Variants in CNTRL observed in about 807,000 individuals in gnomAD.
The protein encoded by CNTRL is 110 kDa centrosomal protein.
Under a neutral mutation model 303.7 loss-of-function variants are expected in CNTRL, and 233 were observed. The observed-to-expected ratio is 0.77, with a 90% CI of 0.69 to 0.86. The LOEUF (loss-of-function observed/expected upper bound fraction) is 0.86. Among genes scored for constraint, CNTRL ranks in the 40% least tolerant of loss-of-function variants. The pLI is 0.00. For missense variants in CNTRL, 2,524 were observed against 2,650.6 expected (o/e 0.95, Z 1.05); for synonymous variants, 900 against 922.2 (o/e 0.98, Z 0.44).
At chr9:121,091,278 AC>A (rs2048558864) in intron 4 of CNTRL, among the ~76,000 whole-genome samples, 1 of 152,224 alleles carries the variant, frequency 6.6e-6, no homozygotes, top group Non-Finnish European at 1.5e-5. Flanking sequence ...GAAGAAAAAA[AC>A]CTTAGATTTC....
chr9:121,162,958 T>C (rs1016688765), intron 34 of CNTRL, among the ~76,000 whole-genome samples: 20 of 152,112 alleles, frequency 1.3e-4, no homozygotes, highest in Non-Finnish European at 2.1e-4. Flanking sequence ...GATGGTCTTT[T>C]AGAAAAATGT....
At position 121,094,735 on chromosome 9, in the gene CNTRL, G is replaced by C. The variant is rs555407207; in HGVS notation, c.349-153G>C. 3.3e-5 allele frequency among the ~76,000 whole-genome samples: 5 copies of C among 152,270 alleles called. No individual in the cohort carries two copies. In the South Asian group the frequency reaches 1.0e-3, roughly 32 times the overall value. On this transcript the variant is annotated intron_variant, in intron 4 of 43. Transcript: ENST00000373855. ...GAGTAGAGTTATTACTCCTAGTCAAGGAGAGCTGCATCAAGGGATTCTCCA... is the reference window on the plus strand; with the variant it reads ...GAGTAGAGTTATTACTCCTAGTCAACGAGAGCTGCATCAAGGGATTCTCCA...
In CNTRL at chr9:121,150,251, A is replaced by G; in HGVS notation, c.3731A>G (p.Tyr1244Cys). 1 of 1,614,172 alleles carries G rather than the reference A, an allele frequency of 6.2e-7. No individual in the cohort carries two copies. Among genetic ancestry groups the G allele is most frequent in the Non-Finnish European group, 8.5e-7 (1 of 1,180,000 alleles). ...EEPPFVPPPGYMMYTVLPDGS... is the reference protein window; with the variant it reads ...EEPPFVPPPGCMMYTVLPDGS... The stretch of plus-strand genomic sequence containing the variant: ...CCCCCATTTGTGCCTCCTCCTGGAT[A>G]CATGATGTATACTGTGCTTCCTGAT... Residue 1244 changes from tyrosine (Y) to cysteine (C), a missense_variant, in exon 25 of 44, where the codon TAC becomes TGC. Tyr to Cys is a radical substitution (Grantham distance 194). Coordinates refer to ENST00000373855, the MANE Select transcript of CNTRL (RefSeq NM_007018.6).
intron 14 of CNTRL, 29 bp from the exon 15 acceptor site, chr9:121,135,776 TC>T (rs756607420): frequency 6.3e-7 from 1 of 1,580,772 alleles, no homozygotes; most frequent in Non-Finnish European, 8.6e-7. Context: ...CAGTGAGGGT[TC>T]CATAGTTAAA....
At chr9:121,108,829 A>C (rs2049605620) in intron 8 of CNTRL, among the ~76,000 whole-genome samples, 1 of 152,126 alleles carries the variant, frequency 6.6e-6, no homozygotes, top group Admixed American at 6.6e-5. Flanking sequence ...GTTCATTGTA[A>C]CAAATTTAGA....
rs547712038 is a variant in CNTRL, at chr9:121,094,482, G to A, written c.349-406G>A. On this transcript the variant is annotated intron_variant, in intron 4 of 43. Transcript: ENST00000373855. ...AACCTAATCACCACATGAAGGTCTC[G>A]CCTCTCAGAACTGTCACAATGGCAG... 4.6e-5 allele frequency among the ~76,000 whole-genome samples: 7 copies of A among 152,280 alleles called. No homozygotes were observed. In the East Asian group the frequency reaches 7.7e-4, roughly 17 times the overall value.
At chr9:121,111,810 C>T (rs2049759584) in intron 8 of CNTRL, among the ~76,000 whole-genome samples, 1 of 150,712 alleles carries the variant, frequency 6.6e-6, no homozygotes, top group Non-Finnish European at 1.5e-5. Flanking sequence ...TTGTCTTCTC[C>T]AAGCTCCAAA....
Position 121,127,675 on chromosome 9 carries a change from C to CT in CNTRL, c.2025+1742dup, listed in dbSNP as rs1378122805. Reference sequence around the variant, plus strand: ...TATATACTTTTTAATTATTATTATACTTTAAGTTCTAGGGTACATGCAGAT... The same window carrying CT: ...TATATACTTTTTAATTATTATTATACTTTTAAGTTCTAGGGTACATGCAGAT... On this transcript the variant is annotated intron_variant, in intron 14 of 43. Transcript: ENST00000373855. Among the ~76,000 whole-genome samples the CT allele has an allele frequency of 2.6e-5, 4 of 151,544 alleles. 1 individual carries two copies. In the South Asian group the frequency reaches 8.3e-4, roughly 32 times the overall value.
chr9:121,104,493 A>C lies in CNTRL; in HGVS notation c.809-3309A>C, dbSNP rs1357140597. Among the ~76,000 whole-genome samples the C allele has an allele frequency of 4.6e-5, 7 of 152,318 alleles. No individual in the cohort carries two copies. In the East Asian group the frequency reaches 1.2e-3, roughly 25 times the overall value. On this transcript the variant is annotated intron_variant, in intron 7 of 43. Transcript: ENST00000373855. ...TACATATGTAACCTGCACGTTGTGC[A>C]CATGTACCCTAGAACTTAAAGTATA...
In CNTRL at chr9:121,152,530, T is replaced by C; in HGVS notation, c.4009T>C (p.Ser1337Pro). The C allele has an allele frequency of 1.2e-6, 2 of 1,613,774 alleles. No homozygotes were observed. Among genetic ancestry groups the C allele is most frequent in the African/African-American group, 1.3e-5 (1 of 74,874 alleles). The change falls in exon 26 of 44, where the codon TCA becomes CCA. Residue 1337 changes from serine to proline, a missense_variant. Ser to Pro is a moderately conservative substitution (Grantham distance 74). Coordinates refer to ENST00000373855, the MANE Select transcript of CNTRL (RefSeq NM_007018.6). ...RLEDIMQHLK[S>P]KKREERWMRA... The stretch of plus-strand genomic sequence containing the variant: ...AGAAGACATAATGCAGCATTTAAAA[T>C]CAAAGAAGCGGGAAGAAAGGTGGAT...
intron 15 of CNTRL, 66 bp from the exon 16 acceptor site, chr9:121,138,479 G>A: frequency 6.6e-7 from 1 of 1,511,680 alleles, no homozygotes; most frequent in African/African-American, 1.4e-5. Context: ...AAATTTATTT[G>A]TGCCTTTTAA....
chr9:121,086,362 A>G (rs1387281870), intron 2 of CNTRL, among the ~76,000 whole-genome samples: 1 of 152,222 alleles, frequency 6.6e-6, no homozygotes, highest in African/African-American at 2.4e-5. Flanking sequence ...CATTGAGAGT[A>G]TAGAACCGGG....
In CNTRL at chr9:121,113,662, A is replaced by G; in HGVS notation, c.1283A>G (p.Asn428Ser). ...PDEQLRNDHM[N>S]LRGHTPLDTQ... Reference sequence around the variant, plus strand: ...GAACAACTTAGAAATGATCACATGAACTTGAGAGGCCACACACCACTGGAC... The same window carrying G: ...GAACAACTTAGAAATGATCACATGAGCTTGAGAGGCCACACACCACTGGAC... Residue 428 changes from asparagine (N) to serine (S), a missense_variant, in exon 10 of 44, where the codon AAC becomes AGC. Physicochemically the swap from Asn to Ser is conservative, Grantham distance 46. Coordinates refer to ENST00000373855, the MANE Select transcript of CNTRL (RefSeq NM_007018.6). The G allele has an allele frequency of 6.2e-7, 1 of 1,605,274 alleles. No individual in the cohort carries two copies. Among genetic ancestry groups the G allele is most frequent in the Middle Eastern group, 1.7e-4 (1 of 6,030 alleles).
intron 25 of CNTRL, among the ~76,000 whole-genome samples, chr9:121,151,748 C>T (rs1003356928): frequency 6.6e-6 from 1 of 152,160 alleles, no homozygotes; most frequent in Admixed American, 6.5e-5. Flanking sequence ...ATCTAAGCTC[C>T]TCCTTCAGAC....
At chr9:121,109,171 T>G (rs1405555001) in intron 8 of CNTRL, among the ~76,000 whole-genome samples, 1 of 152,152 alleles carries the variant, frequency 6.6e-6, no homozygotes. Context: ...ATTGCTAGAT[T>G]ACTTATAATA....
intron 8 of CNTRL, among the ~76,000 whole-genome samples, chr9:121,111,816 C>A (rs929030635): frequency 6.7e-6 from 1 of 148,912 alleles, no homozygotes; most frequent in Non-Finnish European, 1.5e-5. Flanking sequence ...TCTCCAAGCT[C>A]CAAAAATTTC....
chr9:121,091,866 A>G (rs2132336071), intron 4 of CNTRL, among the ~76,000 whole-genome samples: 1 of 145,992 alleles, frequency 6.8e-6, no homozygotes, highest in South Asian at 2.2e-4. Context: ...TTAAGGTCTC[A>G]ACTTAGTGAG....
chr9:121,077,040 G>A (rs1374620883), intron 1 of CNTRL, among the ~76,000 whole-genome samples: 1 of 152,030 alleles, frequency 6.6e-6, no homozygotes, highest in East Asian at 1.9e-4. Flanking sequence ...GGATGGAGGT[G>A]GAGTTTGCAG....
chr9:121,100,807 CAAAG>C (rs557055007), intron 7 of CNTRL, among the ~76,000 whole-genome samples: 4,368 of 152,156 alleles, frequency 0.029, 85 homozygotes, highest in South Asian at 0.045. Context: ...TCAAAAGAGA[CAAAG>C]AAGGCCATTA....
Sources: allele counts gnomAD v4.1 joint callset (sites outside exome capture counted in the v4.1 genomes callset), GRCh38; gene constraint gnomAD v4.1.1; transcripts MANE v1.5; gene names NCBI Gene and HGNC (gene_info 2026-07-23, HGNC 2026-07-21).